The following LRRC7 variants were observed in gnomAD, a reference collection of about 807,000 sequenced individuals.
LRRC7 encodes leucine rich repeat containing 7.
A neutral mutation model predicts 175.7 loss-of-function variants in LRRC7; 23 were observed. That is an observed-to-expected ratio of 0.13 (90% CI 0.09 to 0.19). LRRC7 has a LOEUF of 0.19. Among genes scored for constraint, LRRC7 ranks in the 10% least tolerant of loss-of-function variants. The pLI is 1.00. For missense variants in LRRC7, 1,354 were observed against 1,904.7 expected (o/e 0.71, Z 5.38); for synonymous variants, 685 against 680.9 (o/e 1.01, Z -0.09).
chr1:69,820,316 C>T (rs2101202169), intron 4 of LRRC7, among the ~76,000 whole-genome samples: 1 of 152,020 alleles, frequency 6.6e-6, no homozygotes, highest in South Asian at 2.1e-4. Flanking sequence ...ATAAAAAATC[C>T]ACACATCCCC....
chr1:69,921,521 T>C (rs1646888282), intron 7 of LRRC7, among the ~76,000 whole-genome samples: 1 of 152,210 alleles, frequency 6.6e-6, no homozygotes, highest in Non-Finnish European at 1.5e-5. Flanking sequence ...TCCTCTCCTT[T>C]ACATCTGACA....
rs1666366715 is a variant in LRRC7, at chr1:70,124,673, A to G, written c.*2786A>G. 6.6e-6 allele frequency among the ~76,000 whole-genome samples: 1 copy of G among 152,004 alleles called. No individual in the cohort carries two copies. Among genetic ancestry groups the G allele is most frequent in the Non-Finnish European group, 1.5e-5 (1 of 68,008 alleles). ...ATTATACATTGATTTTTGATTATTG[A>G]CTTTTTGCAGTAACTGATTTTGCTG... is the stretch of plus-strand genomic sequence containing the variant. On this transcript the variant is annotated 3_prime_UTR_variant, in exon 27 of 27. Coordinates refer to ENST00000651989, the MANE Select transcript of LRRC7 (RefSeq NM_001370785.2).
chr1:69,808,794 C>T (rs1677447891), intron 4 of LRRC7, among the ~76,000 whole-genome samples: 1 of 152,052 alleles, frequency 6.6e-6, no homozygotes, highest in Admixed American at 6.6e-5. Flanking sequence ...GCACTAAATG[C>T]CCACAGGAGA....
intron 7 of LRRC7, among the ~76,000 whole-genome samples, chr1:69,897,001 T>A (rs12756195): frequency 0.41 from 62,617 of 151,888 alleles, 13,679 homozygotes; most frequent in East Asian, 0.55. Flanking sequence ...TTTCTTCCAA[T>A]TGTAATGCTT....
intron 25 of LRRC7, among the ~76,000 whole-genome samples, chr1:70,092,006 T>C (rs1664062773): frequency 6.6e-6 from 1 of 152,110 alleles, no homozygotes; most frequent in Non-Finnish European, 1.5e-5. Flanking sequence ...GGGGACACTT[T>C]GGTTAACTGT....
At chr1:69,745,298 C>T (rs926345497) in intron 2 of LRRC7, among the ~76,000 whole-genome samples, 1 of 151,942 alleles carries the variant, frequency 6.6e-6, no homozygotes, top group Non-Finnish European at 1.5e-5. Flanking sequence ...TTACACTTTG[C>T]TTCACTAAAC....
chr1:69,838,209 T>A lies in LRRC7; in HGVS notation c.591-18T>A. 1.9e-6 allele frequency: 3 copies of A among 1,600,162 alleles called. No individual in the cohort carries two copies. Among genetic ancestry groups the A allele is most frequent in the Non-Finnish European group, 2.6e-6 (3 of 1,169,442 alleles). On this transcript the variant is annotated intron_variant, in intron 6 of 26. Transcript: ENST00000651989. Reference sequence around the variant, plus strand: ...GACAGACATACTAAGAGGAAATTTTTAAAATTCATTTCTGTAGACTTGTCA... The same window carrying A: ...GACAGACATACTAAGAGGAAATTTTAAAAATTCATTTCTGTAGACTTGTCA...
intron 8 of LRRC7, among the ~76,000 whole-genome samples, chr1:69,939,246 A>G (rs1327387036): frequency 6.6e-6 from 1 of 151,746 alleles, no homozygotes; most frequent in Non-Finnish European, 1.5e-5. Flanking sequence ...TGAAGGAGCA[A>G]AGGGGGGACA....
chr1:69,624,805 A>C (rs576040668), intron 1 of LRRC7, among the ~76,000 whole-genome samples: 25 of 152,266 alleles, frequency 1.6e-4, no homozygotes, highest in African/African-American at 5.5e-4. Flanking sequence ...GTTGCTAATC[A>C]AAGTCCACAT....
At chr1:69,752,016 C>T (rs540881802) in intron 2 of LRRC7, among the ~76,000 whole-genome samples, 1 of 151,930 alleles carries the variant, frequency 6.6e-6, no homozygotes, top group African/African-American at 2.4e-5. Context: ...ACAGACTTTC[C>T]GATATTGTGA....
intron 7 of LRRC7, chr1:69,838,926 T>C (rs1231501406): frequency 3.1e-5 from 5 of 158,786 alleles, no homozygotes; most frequent in African/African-American, 4.8e-5. Context: ...AATAGAATTT[T>C]ATGTTTTACA....
chr1:70,025,568 G>A (rs2101987263), intron 17 of LRRC7, among the ~76,000 whole-genome samples: 1 of 152,120 alleles, frequency 6.6e-6, no homozygotes, highest in Non-Finnish European at 1.5e-5. Flanking sequence ...GATTTTCCAA[G>A]AACTTTCACA....
chr1:69,837,840 T>G (rs1267093194), intron 6 of LRRC7, among the ~76,000 whole-genome samples: 1 of 142,566 alleles, frequency 7.0e-6, no homozygotes, highest in African/African-American at 2.4e-5. Context: ...ATATATTTCT[T>G]TAAAATCTAT....
intron 14 of LRRC7, among the ~76,000 whole-genome samples, chr1:70,017,250 G>A (rs1316723940): frequency 6.7e-6 from 1 of 149,574 alleles, no homozygotes; most frequent in African/African-American, 2.5e-5. Context: ...GGGTGACACA[G>A]CGAGACTCTG....
At chr1:69,916,085 A>AAAT (rs1195598288) in intron 7 of LRRC7, among the ~76,000 whole-genome samples, 8 of 104,714 alleles carry the variant, frequency 7.6e-5, no homozygotes, top group Non-Finnish European at 1.6e-4. Flanking sequence ...TAATATATAT[A>AAAT]TTATATACAT....
intron 6 of LRRC7, among the ~76,000 whole-genome samples, chr1:69,835,297 T>G (rs1369279971): frequency 6.6e-6 from 1 of 151,680 alleles, no homozygotes; most frequent in Admixed American, 6.6e-5. Context: ...AACAATCAAC[T>G]GAAAAAATAG....
At chr1:69,889,189 A>G (rs1645755144) in intron 7 of LRRC7, among the ~76,000 whole-genome samples, 1 of 152,188 alleles carries the variant, frequency 6.6e-6, no homozygotes, top group South Asian at 2.1e-4. Flanking sequence ...CTGCTGACTG[A>G]TCAGGGTGGT....
intron 1 of LRRC7, among the ~76,000 whole-genome samples, chr1:69,579,818 G>A (rs1469967657): frequency 2.4e-4 from 31 of 128,388 alleles, no homozygotes; most frequent in African/African-American, 9.2e-4. Context: ...TTTTTTGGTA[G>A]AGCCAGCATC....
chr1:69,902,672 A>G (rs1158033393), intron 7 of LRRC7, among the ~76,000 whole-genome samples: 1 of 152,232 alleles, frequency 6.6e-6, no homozygotes, highest in Non-Finnish European at 1.5e-5. Flanking sequence ...TGTTTTGTCC[A>G]CATGATAAAA....
Sources: gnomAD v4.1 joint callset for allele counts (sites outside exome capture counted in the v4.1 genomes callset) on GRCh38, gnomAD v4.1.1 for gene constraint, MANE v1.5 for transcripts, NCBI Gene and HGNC (gene_info 2026-07-23, HGNC 2026-07-21) for gene names.